STAU2: variants seen among roughly 807,000 people sequenced by gnomAD.
STAU2 encodes the protein staufen double-stranded RNA binding protein 2.
A neutral mutation model predicts 65.9 loss-of-function variants in STAU2; 20 were observed. That is an observed-to-expected ratio of 0.30 (90% CI 0.21 to 0.44). The LOEUF (loss-of-function observed/expected upper bound fraction) is 0.44, where lower values mean the gene tolerates loss of function less well. Among genes scored for constraint, STAU2 ranks in the 20% least tolerant of loss-of-function variants. STAU2 has a pLI of 1.00. For missense variants in STAU2, 558 were observed against 683.9 expected, an observed-to-expected ratio of 0.82 and a Z score of 2.05; for synonymous variants, 232 against 233.9, an observed-to-expected ratio of 0.99 and a Z score of 0.07.
intron 14 of STAU2, among the ~76,000 whole-genome samples, chr8:73,421,986 T>A (rs1816414539): frequency 1.3e-5 from 2 of 151,020 alleles, no homozygotes; most frequent in South Asian, 4.2e-4. Context: ...ATAAATTGAG[T>A]CTCTGGAGAG....
chr8:73,723,524 G>A (rs926582987), intron 3 of STAU2, among the ~76,000 whole-genome samples: 3 of 152,000 alleles, frequency 2.0e-5, no homozygotes, highest in Non-Finnish European at 4.4e-5. Context: ...TCATCTATTT[G>A]GCTGCTTGAG....
At chr8:73,687,377 T>TAAA (rs1341010502) in intron 5 of STAU2, among the ~76,000 whole-genome samples, 5 of 125,530 alleles carry the variant, frequency 4.0e-5, no homozygotes, top group African/African-American at 1.5e-4. Context: ...TAATTTATAA[T>TAAA]TTATATTTAT....
chr8:73,421,635 GTTT>G (rs1816383204), intron 14 of STAU2, among the ~76,000 whole-genome samples, 170 bp from the exon 15 acceptor site: 1 of 152,332 alleles, frequency 6.6e-6, no homozygotes, highest in East Asian at 1.9e-4. Flanking sequence ...ATGTGGAAAT[GTTT>G]TTGATTAAAT....
At chr8:73,645,366 C>T (rs1815292753) in intron 6 of STAU2, among the ~76,000 whole-genome samples, 1 of 152,040 alleles carries the variant, frequency 6.6e-6, no homozygotes, top group Non-Finnish European at 1.5e-5. Context: ...ATTGATGCAG[C>T]AAAACATTTA....
At chr8:73,459,763 G>A (rs16938664) in intron 13 of STAU2, among the ~76,000 whole-genome samples, 10,884 of 152,140 alleles carry the variant, frequency 0.072, 803 homozygotes, top group African/African-American at 0.18. Context: ...TGTTACTAAG[G>A]GCCCTGGTAT....
chr8:73,703,415 T>C (rs1820263825), intron 4 of STAU2, among the ~76,000 whole-genome samples: 6 of 152,198 alleles, frequency 3.9e-5, no homozygotes, highest in Admixed American at 3.9e-4. Flanking sequence ...ATGAGCTAAC[T>C]AAACCTCTTT....
chr8:73,566,767 T>C (rs763912963), intron 12 of STAU2, among the ~76,000 whole-genome samples: 40 of 152,162 alleles, frequency 2.6e-4, no homozygotes, highest in South Asian at 2.1e-4. Context: ...TCTCCAACCT[T>C]TTCACACTTA....
At chr8:73,576,434 T>G (rs140644671) in intron 12 of STAU2, among the ~76,000 whole-genome samples, 2 of 151,804 alleles carry the variant, frequency 1.3e-5, no homozygotes, top group East Asian at 1.9e-4. Context: ...ATTAAATAAG[T>G]ACTGATAAGG....
At chr8:73,728,219 C>G (rs1805789452) in intron 3 of STAU2, among the ~76,000 whole-genome samples, 1 of 152,260 alleles carries the variant, frequency 6.6e-6, no homozygotes, top group Non-Finnish European at 1.5e-5. Flanking sequence ...ACTGAATCAT[C>G]CTGGCATGTT....
At chr8:73,644,354 A>C (rs933852831) in intron 6 of STAU2, among the ~76,000 whole-genome samples, 1 of 152,184 alleles carries the variant, frequency 6.6e-6, no homozygotes, top group Non-Finnish European at 1.5e-5. Flanking sequence ...CTGAAGCAGA[A>C]GGATCACTTG....
At chr8:73,557,332 T>C (rs1046749052) in intron 12 of STAU2, among the ~76,000 whole-genome samples, 4 of 152,166 alleles carry the variant, frequency 2.6e-5, no homozygotes, top group African/African-American at 9.7e-5. Flanking sequence ...AAACATAGAT[T>C]TATGTGGTCA....
At chr8:73,522,072 A>T (rs767647725) in intron 13 of STAU2, among the ~76,000 whole-genome samples, 1 of 152,222 alleles carries the variant, frequency 6.6e-6, no homozygotes, top group Admixed American at 6.5e-5. Context: ...TCAACTAGAA[A>T]TTAGAAGCTA....
intron 13 of STAU2, among the ~76,000 whole-genome samples, chr8:73,428,525 C>T (rs1817007298): frequency 6.7e-6 from 1 of 149,992 alleles, no homozygotes; most frequent in Non-Finnish European, 1.5e-5. Context: ...TCACAGAGGG[C>T]TACTGAGAGC....
intron 3 of STAU2, among the ~76,000 whole-genome samples, chr8:73,723,288 G>A (rs1308848531): frequency 6.6e-6 from 1 of 152,182 alleles, no homozygotes. Context: ...ACTGGCCCCA[G>A]CCAGGAATCA....
At chr8:73,586,973 A>G (rs1211823144) in intron 11 of STAU2, among the ~76,000 whole-genome samples, 1 of 152,184 alleles carries the variant, frequency 6.6e-6, no homozygotes, top group South Asian at 2.1e-4. Flanking sequence ...TTCTCAGTTT[A>G]AAGTATATGA....
chr8:73,553,004 A>G lies in STAU2; in HGVS notation c.1223-685T>C, dbSNP rs192073950. ...GTTATCGTGTTGCTCAAACATCTCA[A>G]GAATATGACCATTGTAGGGATTATC... On this transcript the variant is annotated intron_variant, in intron 12 of 14. Coordinates refer to ENST00000524300, the MANE Select transcript of STAU2 (RefSeq NM_001164380.2). Among the ~76,000 whole-genome samples, 207 of 152,312 alleles carry G rather than the reference A, an allele frequency of 1.4e-3. 2 individuals are homozygous for G. Among genetic ancestry groups the G allele is most frequent in the African/African-American group, 4.9e-3 (205 of 41,576 alleles).
chr8:73,562,570 A>C (rs1351139481), intron 12 of STAU2, among the ~76,000 whole-genome samples: 2 of 152,260 alleles, frequency 1.3e-5, no homozygotes, highest in African/African-American at 4.8e-5. Flanking sequence ...GGCTATTTTC[A>C]CAATTTTGTT....
At chr8:73,579,719 A>G (rs1047640953) in intron 12 of STAU2, among the ~76,000 whole-genome samples, 1 of 152,192 alleles carries the variant, frequency 6.6e-6, no homozygotes, top group African/African-American at 2.4e-5. Flanking sequence ...TATTACAGTG[A>G]TTCAAAGGAT....
At chr8:73,734,416 C>T (rs1806284971) in intron 3 of STAU2, among the ~76,000 whole-genome samples, 1 of 151,930 alleles carries the variant, frequency 6.6e-6, no homozygotes, top group Non-Finnish European at 1.5e-5. Context: ...TAAAGTTAGG[C>T]AAAGTTAATA....
Sources: allele counts gnomAD v4.1 joint callset (sites outside exome capture counted in the v4.1 genomes callset), GRCh38; gene constraint gnomAD v4.1.1; transcripts MANE v1.5; gene names NCBI Gene and HGNC (gene_info 2026-07-23, HGNC 2026-07-21).